The following SUSD4 variants were observed in gnomAD, a reference collection of about 807,000 sequenced individuals.
SUSD4 encodes sushi domain containing 4, also known as sushi domain-containing protein 4.
A neutral mutation model predicts 50.5 loss-of-function variants in SUSD4; 41 were observed. The observed-to-expected ratio is 0.81, with a 90% CI of 0.63 to 1.05. The LOEUF is 1.05. Ranked by LOEUF, SUSD4 falls within the 50% of genes least tolerant of loss-of-function variation. The pLI is 0.00. For missense variants in SUSD4, 580 were observed against 634.7 expected (o/e 0.91, Z 0.93); for synonymous variants, 257 against 257.3 (o/e 1.00, Z 0.01).
chr1:223,284,813 A>G (rs1664024222), intron 3 of SUSD4, among the ~76,000 whole-genome samples: 1 of 152,142 alleles, frequency 6.6e-6, no homozygotes, highest in African/African-American at 2.4e-5. Flanking sequence ...GCTAATATAG[A>G]CTGATCTCAT....
At chr1:223,273,614 G>A (rs1663064389) in intron 3 of SUSD4, among the ~76,000 whole-genome samples, 1 of 152,222 alleles carries the variant, frequency 6.6e-6, no homozygotes, top group Non-Finnish European at 1.5e-5. Context: ...TTGGGTCATG[G>A]GCCATGCAGT....
At chr1:223,348,300 G>A (rs542957465) in intron 2 of SUSD4, among the ~76,000 whole-genome samples, 3 of 152,054 alleles carry the variant, frequency 2.0e-5, no homozygotes, top group East Asian at 1.9e-4. Context: ...TATTTTCAGC[G>A]GGAAAAAATA....
At chr1:223,279,568 C>G (rs540464092) in intron 3 of SUSD4, among the ~76,000 whole-genome samples, 2 of 152,298 alleles carry the variant, frequency 1.3e-5, no homozygotes, top group East Asian at 3.9e-4. Flanking sequence ...AACAAAGCCT[C>G]CAAGAAATAG....
At chr1:223,341,390 C>T (rs1667747204) in intron 2 of SUSD4, among the ~76,000 whole-genome samples, 2 of 152,202 alleles carry the variant, frequency 1.3e-5, no homozygotes, top group African/African-American at 4.8e-5. Flanking sequence ...ATCTCTCTAG[C>T]CCAGGCTCCA....
In SUSD4 at chr1:223,227,829, G is replaced by A; in HGVS notation, c.917-91C>T. 1.4e-6 allele frequency: 2 copies of A among 1,481,030 alleles called. No individual in the cohort carries two copies. Among genetic ancestry groups the A allele is most frequent in the Non-Finnish European group, 1.8e-6 (2 of 1,099,800 alleles). 91.7% of individuals were successfully genotyped at this position (1,481,030 alleles called of 1,614,324 possible). On this transcript the variant is annotated intron_variant, in intron 6 of 8. Coordinates refer to ENST00000366878, the MANE Select transcript of SUSD4 (RefSeq NM_017982.4). The surrounding 1 kb of genome is among the most constrained non-coding windows in gnomAD (Gnocchi z 4.5). ...TGGGCTCATTTGCTGGATTCATCTG[G>A]CACAAGAGATGCGTGCAAGGTGCCT...
At chr1:223,298,811 T>A (rs1665002345) in intron 2 of SUSD4, among the ~76,000 whole-genome samples, 1 of 152,238 alleles carries the variant, frequency 6.6e-6, no homozygotes, top group South Asian at 2.1e-4. Flanking sequence ...TCTGTATTCT[T>A]TCTGCGCTTA....
At chr1:223,259,214 C>T (rs541587589) in intron 5 of SUSD4, among the ~76,000 whole-genome samples, 4 of 152,294 alleles carry the variant, frequency 2.6e-5, no homozygotes, top group South Asian at 2.1e-4. Context: ...GAGGCACTTA[C>T]GTGAAATAGC....
chr1:223,275,743 C>T (rs1345956418), intron 3 of SUSD4, among the ~76,000 whole-genome samples: 1 of 150,312 alleles, frequency 6.7e-6, no homozygotes, highest in African/African-American at 2.4e-5. Flanking sequence ...TGAAGTCAAA[C>T]ACTGAGAACC....
chr1:223,272,717 G>T (rs748783185), intron 3 of SUSD4, among the ~76,000 whole-genome samples: 20 of 152,192 alleles, frequency 1.3e-4, no homozygotes, highest in Admixed American at 2.6e-4. Flanking sequence ...TAGATTAAAG[G>T]CTCGAACGGT....
chr1:223,239,108 TTGC>T (rs541023412), intron 5 of SUSD4, among the ~76,000 whole-genome samples: 1 of 152,080 alleles, frequency 6.6e-6, no homozygotes, highest in Non-Finnish European at 1.5e-5. Flanking sequence ...ATAACTTTCC[TTGC>T]TATAAAGTCT....
At chr1:223,281,179 T>A (rs965229117) in intron 3 of SUSD4, among the ~76,000 whole-genome samples, 3 of 152,028 alleles carry the variant, frequency 2.0e-5, no homozygotes, top group Non-Finnish European at 4.4e-5. Flanking sequence ...TTAAAAGAAC[T>A]AGAGAAGCAA....
At chr1:223,337,614 C>T (rs765561833) in intron 2 of SUSD4, among the ~76,000 whole-genome samples, 10 of 152,124 alleles carry the variant, frequency 6.6e-5, no homozygotes, top group Non-Finnish European at 1.0e-4. Context: ...ATTAGGACAC[C>T]GCAGCCTGGA....
chr1:223,263,471 T>A (rs1247499394), intron 5 of SUSD4: 16 of 853,658 alleles, frequency 1.9e-5, no homozygotes, highest in Non-Finnish European at 2.1e-5. Flanking sequence ...GTATCCTGTA[T>A]TTTATCTGGC....
intron 2 of SUSD4, among the ~76,000 whole-genome samples, chr1:223,301,398 G>A (rs1033665270): frequency 2.0e-5 from 3 of 152,188 alleles, no homozygotes; most frequent in Non-Finnish European, 4.4e-5. Context: ...CATTCCTGGG[G>A]ATGAAAGGTA....
At chr1:223,235,954 G>A (rs915309618) in intron 5 of SUSD4, among the ~76,000 whole-genome samples, 3 of 152,194 alleles carry the variant, frequency 2.0e-5, no homozygotes, top group African/African-American at 7.2e-5. Flanking sequence ...TTCCAAAGTG[G>A]TTATATCCCT....
intron 2 of SUSD4, among the ~76,000 whole-genome samples, chr1:223,327,566 G>C (rs1341574312): frequency 6.6e-6 from 1 of 152,114 alleles, no homozygotes; most frequent in South Asian, 2.1e-4. Flanking sequence ...CCATGCTTGG[G>C]GCCACAAGGC....
At chr1:223,277,825 A>G (rs534814547) in intron 3 of SUSD4, among the ~76,000 whole-genome samples, 4 of 152,302 alleles carry the variant, frequency 2.6e-5, no homozygotes, top group African/African-American at 9.6e-5. Flanking sequence ...TGATTCTAAG[A>G]ATTAAACATC....
At chr1:223,323,380 T>C (rs1031229619) in intron 2 of SUSD4, among the ~76,000 whole-genome samples, 11 of 152,130 alleles carry the variant, frequency 7.2e-5, no homozygotes, top group African/African-American at 2.7e-4. Context: ...CACATCAACA[T>C]GAGATGTCCC....
At chr1:223,327,136 G>A (rs1666920654) in intron 2 of SUSD4, among the ~76,000 whole-genome samples, 1 of 152,138 alleles carries the variant, frequency 6.6e-6, no homozygotes, top group Admixed American at 6.6e-5. Context: ...ATACACCATG[G>A]AATACTACTC....
Sources: gnomAD v4.1 joint callset for allele counts (sites outside exome capture counted in the v4.1 genomes callset) on GRCh38, gnomAD v4.1.1 for gene constraint, Gnocchi (gnomAD v3.1) non-coding constraint, MANE v1.5 for transcripts, NCBI Gene and HGNC (gene_info 2026-07-23, HGNC 2026-07-21) for gene names.